CLEC16A: variants seen among roughly 807,000 people sequenced by gnomAD.
CLEC16A encodes the protein C-type lectin domain containing 16A.
CLEC16A carries 51 observed loss-of-function variants against 109.5 expected under a neutral mutation model. That is an observed-to-expected ratio of 0.47 (90% CI 0.37 to 0.59). The LOEUF is 0.59. Ranked by LOEUF, CLEC16A falls within the 20% of genes least tolerant of loss-of-function variation. CLEC16A has a pLI of 0.00. For synonymous variants in CLEC16A, 673 were observed against 564.2 expected (o/e 1.19, Z -2.73); for missense variants, 1,339 against 1,394.0 (o/e 0.96, Z 0.63).
chr16:11,114,508 A>G (rs778977830), intron 19 of CLEC16A, among the ~76,000 whole-genome samples: 2 of 152,050 alleles, frequency 1.3e-5, no homozygotes, highest in Non-Finnish European at 2.9e-5. Flanking sequence ...GTCTGCCACC[A>G]AGTCCTTCCC....
At chr16:11,023,123 G>C (rs1431066271) in intron 12 of CLEC16A, among the ~76,000 whole-genome samples, 3 of 136,370 alleles carry the variant, frequency 2.2e-5, no homozygotes, top group Non-Finnish European at 4.7e-5. Flanking sequence ...TTTCCGATGT[G>C]AACTTTCTGG....
chr16:11,105,083 T>A (rs1331680431), intron 19 of CLEC16A, among the ~76,000 whole-genome samples: 3 of 152,224 alleles, frequency 2.0e-5, no homozygotes, highest in East Asian at 3.8e-4. Flanking sequence ...CTCACAGAGT[T>A]AGGCAATTTT....
intron 11 of CLEC16A, among the ~76,000 whole-genome samples, chr16:11,010,134 AGAGT>A (rs1347314533): frequency 7.1e-6 from 1 of 141,442 alleles, no homozygotes; most frequent in Non-Finnish European, 1.5e-5. Context: ...CCGGGGTGAC[AGAGT>A]GAGACCTTGT....
At position 11,160,723 on chromosome 16, in the gene CLEC16A, A is replaced by C. The variant is rs138546027; in HGVS notation, c.2642-5665A>C. On this transcript the variant is annotated intron_variant, in intron 22 of 23. Coordinates refer to ENST00000409790, the MANE Select transcript of CLEC16A (RefSeq NM_015226.3). ...AAAGATAAACTCAAAGGGGAAGTTA[A>C]TTTCCCTCTCGGGTAAAAGAAGCCT... Among the ~76,000 whole-genome samples, 1,265 of 152,334 alleles carry C rather than the reference A, an allele frequency of 8.3e-3. 9 individuals are homozygous for C. Among genetic ancestry groups the C allele is most frequent in the African/African-American group, 0.027 (1,127 of 41,560 alleles).
chr16:11,089,708 C>T (rs1173371453), intron 19 of CLEC16A, among the ~76,000 whole-genome samples: 3 of 152,166 alleles, frequency 2.0e-5, no homozygotes, highest in Non-Finnish European at 4.4e-5. Context: ...GGGAATTCTT[C>T]CCATATATCC....
intron 19 of CLEC16A, among the ~76,000 whole-genome samples, chr16:11,112,492 C>G (rs1477252266): frequency 3.9e-5 from 2 of 50,820 alleles, no homozygotes; most frequent in Admixed American, 3.7e-4. Context: ...GATCCTATCT[C>G]TACAAAAAAA....
chr16:11,167,502 G>T (rs1017587280), intron 23 of CLEC16A, among the ~76,000 whole-genome samples: 1 of 152,156 alleles, frequency 6.6e-6, no homozygotes, highest in African/African-American at 2.4e-5. Flanking sequence ...AGCCAGGGAG[G>T]TCGAGGGCCC....
intron 11 of CLEC16A, among the ~76,000 whole-genome samples, chr16:11,005,303 G>T (rs758668027): frequency 9.2e-5 from 14 of 152,180 alleles, no homozygotes; most frequent in Non-Finnish European, 2.1e-4. Context: ...GGGGCTCCTG[G>T]AAGCTGTGCC....
intron 18 of CLEC16A, 41 bp downstream of exon 18, chr16:11,051,682 C>G (rs772025233): frequency 2.5e-6 from 4 of 1,604,808 alleles, no homozygotes; most frequent in African/African-American, 2.7e-5. Flanking sequence ...GGCCACTGTT[C>G]TCCAGAACCA....
intron 10 of CLEC16A, among the ~76,000 whole-genome samples, chr16:10,987,948 T>A (rs1163918314): frequency 6.6e-6 from 1 of 152,204 alleles, no homozygotes. Flanking sequence ...TCACAGTTAT[T>A]TGAAAGGACT....
chr16:11,145,782 T>G (rs1048169239), intron 22 of CLEC16A, among the ~76,000 whole-genome samples: 1 of 152,262 alleles, frequency 6.6e-6, no homozygotes, highest in African/African-American at 2.4e-5. Context: ...CTCCTTGCCC[T>G]CTATGGTCCA....
chr16:11,102,763 C>G (rs925537617), intron 19 of CLEC16A, among the ~76,000 whole-genome samples: 8 of 152,356 alleles, frequency 5.3e-5, no homozygotes, highest in African/African-American at 1.9e-4. Context: ...CTGGTTCTTG[C>G]TGGGTGGAAC....
chr16:10,944,582 G>C lies in CLEC16A; in HGVS notation c.-136G>C. 1.2e-6 allele frequency: 1 copy of C among 829,944 alleles called. No homozygotes were observed. Among genetic ancestry groups the C allele is most frequent in the Non-Finnish European group, 1.9e-6 (1 of 531,772 alleles). 51.4% of individuals were successfully genotyped at this position (829,944 alleles called of 1,614,324 possible). ...GAATGTCAGTGCTGGGCTGTGGGCCGGGGAGGAAGGCGGCTCGCGGTTCCT... is the reference window on the plus strand; with the variant it reads ...GAATGTCAGTGCTGGGCTGTGGGCCCGGGAGGAAGGCGGCTCGCGGTTCCT... On this transcript the variant is annotated 5_prime_UTR_variant, in exon 1 of 24. Transcript: ENST00000409790.
intron 1 of CLEC16A, among the ~76,000 whole-genome samples, chr16:10,947,290 G>T (rs1371539687): frequency 6.6e-6 from 1 of 152,202 alleles, no homozygotes; most frequent in Non-Finnish European, 1.5e-5. Context: ...TCTGCATTTG[G>T]CTCTGTTGGT....
In CLEC16A at chr16:10,954,949, T is replaced by C. The variant is rs1275138068; in HGVS notation, c.81-2833T>C. 3.9e-5 allele frequency among the ~76,000 whole-genome samples: 6 copies of C among 152,234 alleles called. No individual in the cohort carries two copies. The highest frequency in any genetic ancestry group is 1.3e-4 in the Admixed American group (2 of 15,286). On this transcript the variant is annotated intron_variant, in intron 1 of 23. Coordinates refer to ENST00000409790, the MANE Select transcript of CLEC16A (RefSeq NM_015226.3). The surrounding 1 kb of genome is among the most constrained non-coding windows in gnomAD (Gnocchi z 4.2). ...TAATCACCATGGCAGCCAAGCCTGC[T>C]TCTGTTGAGCCCTTGCTCTGTGCCA...
intron 19 of CLEC16A, among the ~76,000 whole-genome samples, chr16:11,091,619 A>G (rs981928139): frequency 6.6e-6 from 1 of 152,180 alleles, no homozygotes; most frequent in Non-Finnish European, 1.5e-5. Context: ...CCAGCATTCA[A>G]GCTACCTCTG....
At position 11,172,889 on chromosome 16, in the gene CLEC16A, AAAAC is replaced by A. The variant is rs561337273; in HGVS notation, c.2807-5430_2807-5427del. ...GGGCAACAGAGCGGGACTCTGTCTCAAAACAAACAAACAAACAAAACCACATTGG... is the reference window on the plus strand; with the variant it reads ...GGGCAACAGAGCGGGACTCTGTCTCAAAACAAACAAACAAAACCACATTGG... On this transcript the variant is annotated intron_variant, in intron 23 of 23. Coordinates refer to ENST00000409790, the MANE Select transcript of CLEC16A (RefSeq NM_015226.3). 5.2e-3 allele frequency among the ~76,000 whole-genome samples: 786 copies of A among 152,280 alleles called. 1 individual carries two copies. Among genetic ancestry groups the A allele is most frequent in the Non-Finnish European group, 8.8e-3 (596 of 68,010 alleles).
At chr16:10,993,572 C>G (rs1421392153) in intron 10 of CLEC16A, among the ~76,000 whole-genome samples, 1 of 152,186 alleles carries the variant, frequency 6.6e-6, no homozygotes, top group Non-Finnish European at 1.5e-5. Context: ...GTCTTTTTAT[C>G]ACCACTTGCA....
intron 19 of CLEC16A, among the ~76,000 whole-genome samples, chr16:11,064,318 A>G (rs2048649738): frequency 6.6e-6 from 1 of 152,218 alleles, no homozygotes; most frequent in African/African-American, 2.4e-5. Flanking sequence ...TTTGGAATGG[A>G]GGCCAGGGTG....
Sources: gnomAD v4.1 joint callset for allele counts (sites outside exome capture counted in the v4.1 genomes callset) on GRCh38, gnomAD v4.1.1 for gene constraint, Gnocchi (gnomAD v3.1) non-coding constraint, MANE v1.5 for transcripts, NCBI Gene and HGNC (gene_info 2026-07-23, HGNC 2026-07-21) for gene names.